Variants in SULT1E1 observed in about 807,000 individuals in gnomAD.
SULT1E1 encodes the protein sulfotransferase family 1E member 1.
In SULT1E1, 36 loss-of-function variants were observed where a neutral mutation model predicts 33.6. That is an observed-to-expected ratio of 1.07 (90% CI 0.82 to 1.41). The LOEUF (loss-of-function observed/expected upper bound fraction) is 1.41, where lower values mean the gene tolerates loss of function less well. SULT1E1 is among the 40% of genes most tolerant of loss of function. SULT1E1 has a pLI of 0.00. For missense variants in SULT1E1, 371 were observed against 345.7 expected (o/e 1.07, Z -0.58); for synonymous variants, 121 against 111.7 (o/e 1.08, Z -0.53).
the SULT1E1 span, among the ~76,000 whole-genome samples, chr4:69,823,606 C>T: frequency 6.6e-6 from 1 of 152,170 alleles, no homozygotes; most frequent in African/African-American, 2.4e-5. Context: ...TGTCTAAGAG[C>T]TGTAGAATTT....
chr4:69,834,435 C>G, the SULT1E1 span, among the ~76,000 whole-genome samples: 2 of 152,162 alleles, frequency 1.3e-5, no homozygotes, highest in African/African-American at 4.8e-5. Context: ...TATTAGTCAC[C>G]ATGACATTTT....
In SULT1E1 at chr4:69,855,294, A is replaced by G. The variant is rs774826250; in HGVS notation, c.271+7T>C. 6 of 1,610,674 alleles carry G rather than the reference A, an allele frequency of 3.7e-6. 1 individual carries two copies. The South Asian group carries it at 6.6e-5, about 18-fold the overall frequency. ...CAAATAGTTTTTAAAATCAACTTGAACGTTACCATTCATGAGGTTTTCTTT... is the reference window on the plus strand; with the variant it reads ...CAAATAGTTTTTAAAATCAACTTGAGCGTTACCATTCATGAGGTTTTCTTT... On this transcript the variant is annotated splice_region_variant and intron_variant, in intron 3 of 7. Transcript: ENST00000226444.
At chr4:69,838,615 C>T (rs1022177954), downstream of SULT1E1, 1 of 152,086 alleles carries the variant, frequency 6.6e-6, no homozygotes, top group Non-Finnish European at 1.5e-5. Context: ...CTTTTTCTTT[C>T]CCTTTGTTCC....
At chr4:69,849,402 T>G (rs1721051533) in intron 5 of SULT1E1, 35 bp downstream of exon 5, 2 of 1,598,424 alleles carry the variant, frequency 1.3e-6, no homozygotes, top group African/African-American at 2.7e-5. Context: ...TATAAAACCT[T>G]GAAAAAAAAT....
At chr4:69,857,677 A>G in intron 1 of SULT1E1, 24 bp from the exon 2 acceptor site, 1 of 1,561,120 alleles carries the variant, frequency 6.4e-7, no homozygotes, top group Non-Finnish European at 8.6e-7. Flanking sequence ...TCTGCTTTAT[A>G]CTTTGTATGT....
At chr4:69,856,840 G>A (rs1414365328) in intron 2 of SULT1E1, among the ~76,000 whole-genome samples, 2 of 145,440 alleles carry the variant, frequency 1.4e-5, no homozygotes, top group Non-Finnish European at 3.0e-5. Flanking sequence ...GGAGGCTGAG[G>A]AAGGAGAATG....
intron 7 of SULT1E1, among the ~76,000 whole-genome samples, chr4:69,843,078 C>T (rs11249465): frequency 0.039 from 5,978 of 152,128 alleles, 132 homozygotes; most frequent in Admixed American, 0.062. Context: ...CCTCATGATC[C>T]GCCCGTCTCG....
At chr4:69,822,184 G>A in the SULT1E1 span, among the ~76,000 whole-genome samples, 1 of 152,182 alleles carries the variant, frequency 6.6e-6, no homozygotes, top group African/African-American at 2.4e-5. Context: ...GTTGTTGGTA[G>A]ACAATGAAAC....
intron 6 of SULT1E1, among the ~76,000 whole-genome samples, chr4:69,846,699 T>C (rs576208606): frequency 6.6e-6 from 1 of 151,734 alleles, no homozygotes; most frequent in Non-Finnish European, 1.5e-5. Context: ...ACAAGTTGTT[T>C]CCAGTGTTTG....
chr4:69,822,182 T>C, the SULT1E1 span, among the ~76,000 whole-genome samples: 1 of 152,224 alleles, frequency 6.6e-6, no homozygotes, highest in African/African-American at 2.4e-5. Context: ...CTGTTGTTGG[T>C]AGACAATGAA....
At chr4:69,842,165 T>A in intron 7 of SULT1E1, 59 bp from the exon 8 acceptor site, 1 of 1,005,288 alleles carries the variant, frequency 9.9e-7, no homozygotes, top group Non-Finnish European at 1.5e-6. Context: ...TCATTAGGTT[T>A]GCTAATTTCA....
the SULT1E1 span, among the ~76,000 whole-genome samples, chr4:69,831,967 T>C: frequency 6.6e-6 from 1 of 152,200 alleles, no homozygotes; most frequent in African/African-American, 2.4e-5. Context: ...CTTTTCTAAC[T>C]GACTTAGCAA....
At chr4:69,846,305 CAAAAAA>C (rs34408656) in intron 6 of SULT1E1, among the ~76,000 whole-genome samples, 2 of 107,040 alleles carry the variant, frequency 1.9e-5, no homozygotes, top group South Asian at 2.9e-4. Flanking sequence ...ACAAAACAAT[CAAAAAA>C]AAAAAAAAAA....
chr4:69,841,677 A>C lies in SULT1E1; in HGVS notation c.*317T>G, dbSNP rs1720887979. ...TATAATAAGACCTCATCTCTACAAA[A>C]AAACATTAAAAAAATTAGCCAAACA... On this transcript the variant is annotated 3_prime_UTR_variant, in exon 8 of 8. Transcript: ENST00000226444. 5.4e-6 allele frequency: 1 copy of C among 183,898 alleles called. No individual in the cohort carries two copies. The highest frequency in any genetic ancestry group is 1.6e-4 in the East Asian group (1 of 6,160). 11.4% of individuals were successfully genotyped at this position (183,898 alleles called of 1,614,324 possible).
Position 69,847,779 on chromosome 4 carries a change from G to C in SULT1E1, c.510C>G (p.Ser170=). The C allele has an allele frequency of 6.2e-7, 1 of 1,604,792 alleles. No homozygotes were observed. Among genetic ancestry groups the C allele is most frequent in the Non-Finnish European group, 8.5e-7 (1 of 1,173,550 alleles). ...ACCAAGATTTTACATGTTTATACCA[G>C]GAACCATAAGGAACTAAAATTAGAG... The part of the protein sequence containing the change: ...KFMQGQVPYG[S]WYKHVKSWWE... Residue 170 remains serine, a synonymous_variant, in exon 6 of 8, where the codon TCC becomes TCG. Coordinates refer to ENST00000226444, the MANE Select transcript of SULT1E1 (RefSeq NM_005420.3).
intron 2 of SULT1E1, among the ~76,000 whole-genome samples, chr4:69,855,699 C>T (rs987575645): frequency 1.3e-5 from 2 of 152,130 alleles, no homozygotes; most frequent in Non-Finnish European, 2.9e-5. Context: ...GTGCAAGCTG[C>T]TAACAGTTTT....
chr4:69,855,382 C>A lies in SULT1E1; in HGVS notation c.190G>T (p.Gly64Cys). 3 of 1,612,998 alleles carry A rather than the reference C, an allele frequency of 1.9e-6. No individual in the cohort carries two copies. Among genetic ancestry groups the A allele is most frequent in the Non-Finnish European group, 2.5e-6 (3 of 1,179,464 alleles). Residue 64 changes from glycine to cysteine, a missense_variant, in exon 3 of 8, where the codon GGT (glycine) becomes TGT (cysteine). By Grantham distance (159) the Gly-to-Cys change is radical. Coordinates refer to ENST00000226444, the MANE Select transcript of SULT1E1 (RefSeq NM_005420.3). ...TCTTCTTTGCACTTTTCCACATCAC[C>A]CTCTTTATAGATCATATACACAATT... ...SEIVYMIYKE[G>C]DVEKCKEDVI...
chr4:69,824,858 A>G, the SULT1E1 span, among the ~76,000 whole-genome samples: 1 of 152,180 alleles, frequency 6.6e-6, no homozygotes, highest in Non-Finnish European at 1.5e-5. Flanking sequence ...TGGCCACCAG[A>G]GCCAGCAGTG....
At chr4:69,851,677 A>G (rs1459443841) in intron 4 of SULT1E1, among the ~76,000 whole-genome samples, 1 of 152,216 alleles carries the variant, frequency 6.6e-6, no homozygotes, top group Non-Finnish European at 1.5e-5. Context: ...ATGAACACGT[A>G]TGTTTATTGT....
Sources: allele counts gnomAD v4.1 joint callset (sites outside exome capture counted in the v4.1 genomes callset), GRCh38; gene constraint gnomAD v4.1.1; transcripts MANE v1.5; gene names NCBI Gene and HGNC (gene_info 2026-07-23, HGNC 2026-07-21).